FAM227B: variants seen among roughly 807,000 people sequenced by gnomAD.
FAM227B encodes protein FAM227B.
Under a neutral mutation model 73.8 loss-of-function variants are expected in FAM227B, and 88 were observed. The ratio of observed to expected loss-of-function variants is 1.19; its 90% CI spans 1.00 to 1.42. FAM227B has a LOEUF of 1.42. FAM227B is among the 40% of genes most tolerant of loss of function. The pLI, the probability that FAM227B is intolerant of heterozygous loss-of-function variation, is 0.00. For synonymous variants in FAM227B, 210 were observed against 190.5 expected, an observed-to-expected ratio of 1.10 and a Z score of -0.84; for missense variants, 632 against 590.9, an observed-to-expected ratio of 1.07 and a Z score of -0.72.
chr15:49,510,530 G>A (rs1597739269), intron 10 of FAM227B, among the ~76,000 whole-genome samples: 1 of 152,058 alleles, frequency 6.6e-6, no homozygotes, highest in East Asian at 1.9e-4. Context: ...GATGCTTTCA[G>A]TTTAATATTC....
chr15:49,399,703 A>G (rs1346507018), intron 11 of FAM227B, among the ~76,000 whole-genome samples: 1 of 145,550 alleles, frequency 6.9e-6, no homozygotes, highest in Non-Finnish European at 1.5e-5. Flanking sequence ...ATATACACAA[A>G]TCAATAAATG....
rs189635907 is a variant in FAM227B, at chr15:49,360,813, C to A, written c.1271+6635G>T. 2.0e-5 allele frequency among the ~76,000 whole-genome samples: 3 copies of A among 152,242 alleles called. No homozygotes were observed. In the East Asian group the frequency reaches 5.8e-4, roughly 29 times the overall value. The stretch of plus-strand genomic sequence containing the variant: ...ATTAACTAGTAAACAAGTTTATCAT[C>A]CTTATAAATAAATATACATTTAAAA... On this transcript the variant is annotated intron_variant, in intron 13 of 15. Transcript: ENST00000299338.
At chr15:49,559,149 T>C (rs554980970) in intron 9 of FAM227B, among the ~76,000 whole-genome samples, 5 of 152,124 alleles carry the variant, frequency 3.3e-5, no homozygotes, top group Admixed American at 2.0e-4. Flanking sequence ...CCTGGAACAA[T>C]TGTGTAATAG....
chr15:49,372,799 G>T (rs2151484545), intron 11 of FAM227B, among the ~76,000 whole-genome samples: 1 of 152,200 alleles, frequency 6.6e-6, no homozygotes, highest in Admixed American at 6.5e-5. Context: ...TCTAGTGATT[G>T]TAATGTTGAT....
chr15:49,596,993 AAATGAGATAGATGGG>A (rs2076922297), intron 3 of FAM227B, among the ~76,000 whole-genome samples: 4 of 152,068 alleles, frequency 2.6e-5, no homozygotes, highest in African/African-American at 9.7e-5. Context: ...TATACCTAAA[AAATGAGATAGATGGG>A]AACACAATAA....
chr15:49,472,752 A>T (rs1163784200), intron 11 of FAM227B, among the ~76,000 whole-genome samples: 4 of 152,214 alleles, frequency 2.6e-5, no homozygotes, highest in Non-Finnish European at 5.9e-5. Flanking sequence ...CCTCATAAGA[A>T]AAGGGCTAGA....
chr15:49,396,303 G>C, intron 11 of FAM227B: 1 of 402,750 alleles, frequency 2.5e-6, no homozygotes, highest in South Asian at 1.8e-5. Context: ...TTAAAAAGCG[G>C]CGCACCACGA....
chr15:49,331,697 T>C lies in FAM227B; in HGVS notation c.1419+83A>G. On this transcript the variant is annotated intron_variant, in intron 15 of 15. Transcript: ENST00000299338. ...CCACTGTAATTTGGGTGTGCCACCATACATTGCTTATGAAATATTGTCCAG... is the reference window on the plus strand; with the variant it reads ...CCACTGTAATTTGGGTGTGCCACCACACATTGCTTATGAAATATTGTCCAG... 8 of 857,078 alleles carry C rather than the reference T, an allele frequency of 9.3e-6. No individual in the cohort carries two copies. In the South Asian group the frequency reaches 9.9e-5, roughly 11 times the overall value. The allele number at this position is 857,078 out of a possible 1,614,324, so 53.1% of individuals were successfully genotyped here. A position where few individuals can be genotyped will look rare whatever the true frequency, so the allele number is the denominator to read the frequency against.
intron 11 of FAM227B, among the ~76,000 whole-genome samples, chr15:49,448,842 C>A (rs1326121126): frequency 6.6e-6 from 1 of 151,694 alleles, no homozygotes; most frequent in Non-Finnish European, 1.5e-5. Context: ...AAGAATGAAC[C>A]CTCTACAATT....
At chr15:49,506,481 T>A (rs1220151302) in intron 11 of FAM227B, among the ~76,000 whole-genome samples, 2 of 152,030 alleles carry the variant, frequency 1.3e-5, no homozygotes, top group Non-Finnish European at 2.9e-5. Context: ...AGATTTTTTT[T>A]AACTGCAGAT....
At chr15:49,558,999 T>G (rs916955597) in intron 9 of FAM227B, among the ~76,000 whole-genome samples, 12 of 152,120 alleles carry the variant, frequency 7.9e-5, no homozygotes, top group African/African-American at 2.9e-4. Context: ...CATAAAACTG[T>G]CTGTATCAGG....
Position 49,489,866 on chromosome 15 carries a change from A to ATATATATATATTT in FAM227B, c.1012+18344_1012+18345insAAATATATATATA, listed in dbSNP as rs2056876537. ...TTATATATATATATATATTTTATATATATATATATATATATATAGAGAGAG... is the reference window on the plus strand; with the variant it reads ...TTATATATATATATATATTTTATATATATATATATATTTTATATATATATATATATAGAGAGAG... On this transcript the variant is annotated intron_variant, in intron 11 of 15. Coordinates refer to ENST00000299338, the MANE Select transcript of FAM227B (RefSeq NM_152647.3). 9.4e-4 allele frequency among the ~76,000 whole-genome samples: 12 copies of ATATATATATATTT among 12,726 alleles called. 1 individual carries two copies. Among genetic ancestry groups the ATATATATATATTT allele is most frequent in the Admixed American group, 2.0e-3 (1 of 508 alleles). 8.3% of individuals were successfully genotyped at this position (12,726 alleles called of 152,430 possible). A position where few individuals can be genotyped will look rare whatever the true frequency, so the allele number is the denominator to read the frequency against.
chr15:49,613,001 C>A (rs572239861), intron 2 of FAM227B, among the ~76,000 whole-genome samples: 2 of 151,880 alleles, frequency 1.3e-5, no homozygotes, highest in Admixed American at 1.3e-4. Context: ...TTGCCAGAGG[C>A]CGAGAAGGGT....
intron 10 of FAM227B, among the ~76,000 whole-genome samples, chr15:49,524,536 T>G (rs2060015052): frequency 6.6e-6 from 1 of 152,198 alleles, no homozygotes; most frequent in Admixed American, 6.5e-5. Flanking sequence ...AAGGAAAATG[T>G]GGGGTCAGAG....
At chr15:49,588,264 T>C (rs2076293433) in intron 4 of FAM227B, among the ~76,000 whole-genome samples, 181 bp from the exon 5 acceptor site, 1 of 151,770 alleles carries the variant, frequency 6.6e-6, no homozygotes, top group African/African-American at 2.4e-5. Flanking sequence ...GGAATTATTA[T>C]ATAAAGTATA....
At chr15:49,516,311 C>A (rs911244176) in intron 10 of FAM227B, among the ~76,000 whole-genome samples, 2 of 152,072 alleles carry the variant, frequency 1.3e-5, no homozygotes, top group African/African-American at 4.8e-5. Flanking sequence ...TTTATCCGCA[C>A]ACTAACCTAT....
At chr15:49,367,378 C>A in intron 13 of FAM227B, 70 bp downstream of exon 13, 2 of 1,292,888 alleles carry the variant, frequency 1.5e-6, no homozygotes, top group South Asian at 1.8e-5. Context: ...TCAATTGAGA[C>A]ATTCAGTGAA....
chr15:49,452,273 G>A lies in FAM227B; in HGVS notation c.1012+55938C>T, dbSNP rs140752106. ...TCACTGTGTTGGCCAGGATGGTCTC[G>A]AACTCCTGACCTCAAGTTATCTGCC... On this transcript the variant is annotated intron_variant, in intron 11 of 15. Transcript: ENST00000299338. Among the ~76,000 whole-genome samples, 14 of 152,088 alleles carry A rather than the reference G, an allele frequency of 9.2e-5. No individual in the cohort carries two copies. In the East Asian group the frequency reaches 1.9e-3, roughly 21 times the overall value.
intron 8 of FAM227B, among the ~76,000 whole-genome samples, chr15:49,569,400 G>A (rs1393373197): frequency 3.3e-5 from 5 of 150,978 alleles, no homozygotes; most frequent in Non-Finnish European, 7.4e-5. Context: ...CCTTCCTTCT[G>A]TTAACTTAGG....
Sources: allele counts gnomAD v4.1 joint callset (sites outside exome capture counted in the v4.1 genomes callset), GRCh38; gene constraint gnomAD v4.1.1; transcripts MANE v1.5; gene names NCBI Gene and HGNC (gene_info 2026-07-23, HGNC 2026-07-21).